The following SDK1 variants were observed in gnomAD, a reference collection of about 807,000 sequenced individuals.
SDK1 encodes sidekick cell adhesion molecule 1.
A neutral mutation model predicts 245.5 loss-of-function variants in SDK1; 157 were observed. That is an observed-to-expected ratio of 0.64 (90% confidence interval 0.56 to 0.73). The LOEUF is 0.73. Among genes scored for constraint, SDK1 ranks in the 30% least tolerant of loss-of-function variants. SDK1 has a pLI of 0.00. For synonymous variants in SDK1, 1,647 were observed against 1,278.5 expected (o/e 1.29, Z -6.15); for missense variants, 3,583 against 3,002.3 (o/e 1.19, Z -4.52).
At chr7:3,635,361 T>G (rs1321790031) in intron 2 of SDK1, among the ~76,000 whole-genome samples, 1 of 152,220 alleles carries the variant, frequency 6.6e-6, no homozygotes, top group Non-Finnish European at 1.5e-5. Flanking sequence ...TAATTTTTGT[T>G]TAATCTTGAA....
chr7:3,759,745 C>G (rs1175850066), intron 4 of SDK1, among the ~76,000 whole-genome samples: 1 of 151,988 alleles, frequency 6.6e-6, no homozygotes, highest in Non-Finnish European at 1.5e-5. Context: ...GGGCATGCCA[C>G]CATGCCTGGC....
At chr7:4,172,765 A>G (rs1781930918) in intron 32 of SDK1, among the ~76,000 whole-genome samples, 1 of 152,058 alleles carries the variant, frequency 6.6e-6, no homozygotes, top group African/African-American at 2.4e-5. Flanking sequence ...GTGGCCGATG[A>G]CAACTCTTGG....
At chr7:3,376,500 AAGT>A (rs1781359636) in intron 1 of SDK1, among the ~76,000 whole-genome samples, 1 of 152,242 alleles carries the variant, frequency 6.6e-6, no homozygotes, top group Non-Finnish European at 1.5e-5. Flanking sequence ...GCAATTCACA[AAGT>A]AGAAATAAAT....
At chr7:3,591,107 T>A (rs1356288598) in intron 1 of SDK1, among the ~76,000 whole-genome samples, 1 of 152,242 alleles carries the variant, frequency 6.6e-6, no homozygotes, top group Non-Finnish European at 1.5e-5. Flanking sequence ...GGTAGATTCC[T>A]GTATTTTAAC....
At chr7:4,108,849 C>A (rs912720568) in intron 22 of SDK1, among the ~76,000 whole-genome samples, 1 of 152,194 alleles carries the variant, frequency 6.6e-6, no homozygotes, top group African/African-American at 2.4e-5. Flanking sequence ...CTCCCCATCC[C>A]CTGGCAACCA....
intron 4 of SDK1, among the ~76,000 whole-genome samples, chr7:3,661,813 C>T (rs1209071856): frequency 2.6e-5 from 4 of 152,128 alleles, no homozygotes; most frequent in South Asian, 4.1e-4. Context: ...GGGCAAGCAC[C>T]TGGGCTTCCG....
rs533789021 is a variant in SDK1, at chr7:3,957,252, A to C, written c.1151-1679A>C. ...GGACCTACACACGTAATAATGTTGC[A>C]TGGGACGTGCATGTGCCGTCTTTTC... On this transcript the variant is annotated intron_variant, in intron 7 of 44. Coordinates refer to ENST00000404826, the MANE Select transcript of SDK1 (RefSeq NM_152744.4). 3.3e-5 allele frequency among the ~76,000 whole-genome samples: 5 copies of C among 152,334 alleles called. No homozygotes were observed. In the South Asian group the frequency reaches 1.0e-3, roughly 32 times the overall value.
Position 4,233,125 on chromosome 7 carries a change from C to T in SDK1, c.5828-130C>T, listed in dbSNP as rs1306253088. 1.1e-5 allele frequency: 9 copies of T among 783,740 alleles called. No homozygotes were observed. The South Asian group carries it at 1.3e-4, about 12-fold the overall frequency. The allele number at this position is 783,740 out of a possible 1,614,324, so 48.5% of individuals were successfully genotyped here. ...AGACTCCGTCCCCATTCAGCACTCA[C>T]TCCGCATCCAGTGCCCCTGATGCCT... On this transcript the variant is annotated intron_variant, in intron 40 of 44. Coordinates refer to ENST00000404826, the MANE Select transcript of SDK1 (RefSeq NM_152744.4).
At chr7:3,848,789 A>C (rs1260334456) in intron 5 of SDK1, among the ~76,000 whole-genome samples, 1 of 151,702 alleles carries the variant, frequency 6.6e-6, no homozygotes, top group African/African-American at 2.4e-5. Context: ...CTCCTGCCTC[A>C]GCTTCCCGAG....
intron 5 of SDK1, among the ~76,000 whole-genome samples, chr7:3,874,190 C>T (rs962610975): frequency 2.0e-5 from 3 of 152,180 alleles, no homozygotes; most frequent in Non-Finnish European, 4.4e-5. Context: ...CATGGTTACC[C>T]TCATTCTACT....
At chr7:4,141,293 C>T (rs992235268) in intron 28 of SDK1, among the ~76,000 whole-genome samples, 2 of 152,216 alleles carry the variant, frequency 1.3e-5, no homozygotes, top group Admixed American at 6.5e-5. Flanking sequence ...AAGCAAACCT[C>T]AGACAGCTTG....
intron 1 of SDK1, among the ~76,000 whole-genome samples, chr7:3,484,280 TGTA>T (rs1251542820): frequency 6.6e-6 from 1 of 152,188 alleles, no homozygotes; most frequent in Non-Finnish European, 1.5e-5. Flanking sequence ...CATGGGTCCA[TGTA>T]TACACACATT....
chr7:3,918,655 C>A (rs1014761104), intron 5 of SDK1, among the ~76,000 whole-genome samples: 3 of 152,054 alleles, frequency 2.0e-5, no homozygotes, highest in Non-Finnish European at 4.4e-5. Context: ...TGAAACCATC[C>A]CCCCGACATT....
intron 17 of SDK1, among the ~76,000 whole-genome samples, chr7:4,040,507 G>C (rs1041062055): frequency 4.4e-4 from 67 of 152,300 alleles, no homozygotes; most frequent in African/African-American, 1.5e-3. Flanking sequence ...GTGAGGTTAA[G>C]AGTGGAGGTT....
At chr7:4,119,175 G>A (rs891294515) in intron 25 of SDK1, among the ~76,000 whole-genome samples, 1 of 148,416 alleles carries the variant, frequency 6.7e-6, no homozygotes, top group Admixed American at 6.7e-5. Context: ...ATGGGCTGGG[G>A]GCTGTGATTC....
At chr7:3,471,295 C>G (rs894828490) in intron 1 of SDK1, among the ~76,000 whole-genome samples, 1 of 152,076 alleles carries the variant, frequency 6.6e-6, no homozygotes, top group Non-Finnish European at 1.5e-5. Flanking sequence ...AGACTAGTTG[C>G]TAATGAGGAG....
At chr7:3,627,531 G>T (rs1782158038) in intron 2 of SDK1, among the ~76,000 whole-genome samples, 1 of 152,194 alleles carries the variant, frequency 6.6e-6, no homozygotes, top group Admixed American at 6.5e-5. Context: ...TGGTAGAAAG[G>T]TCAAATATAA....
intron 5 of SDK1, among the ~76,000 whole-genome samples, chr7:3,912,729 G>T: frequency 6.6e-6 from 1 of 152,388 alleles, no homozygotes; most frequent in South Asian, 2.1e-4. Flanking sequence ...GACCGGCACG[G>T]TCTGGCCCGT....
chr7:3,682,648 G>T (rs1215615559), intron 4 of SDK1, among the ~76,000 whole-genome samples: 2 of 152,012 alleles, frequency 1.3e-5, no homozygotes, highest in South Asian at 2.1e-4. Flanking sequence ...CAGCTTCATA[G>T]AGCTGCCTGT....
Sources: allele counts gnomAD v4.1 joint callset (sites outside exome capture counted in the v4.1 genomes callset), GRCh38; gene constraint gnomAD v4.1.1; transcripts MANE v1.5; gene names NCBI Gene and HGNC (gene_info 2026-07-23, HGNC 2026-07-21).